Variants in NOP9 observed in about 807,000 individuals in gnomAD.
NOP9 encodes NOP9 nucleolar protein, also known as nucleolar protein 9.
NOP9 carries 50 observed loss-of-function variants against 63.0 expected under a neutral mutation model. The ratio of observed to expected loss-of-function variants is 0.79; its 90% confidence interval spans 0.63 to 1.00. The LOEUF is 1.00. Ranked by LOEUF, NOP9 falls within the 50% of genes least tolerant of loss-of-function variation. The probability of loss-of-function intolerance (pLI) is 0.00; values close to 1 mark genes in which losing one functional copy is unlikely to be tolerated. For synonymous variants in NOP9, 343 were observed against 332.8 expected (o/e 1.03, Z -0.33); for missense variants, 758 against 803.0 (o/e 0.94, Z 0.68).
At chr14:24,291,336 C>T in the NOP9 span, 4 of 1,199,408 alleles carry the variant, frequency 3.3e-6, no homozygotes, top group Non-Finnish European at 4.9e-6. Flanking sequence ...CCCTGGAGAG[C>T]TCTTTCTCTT....
At chr14:24,286,643 A>G in the NOP9 span, among the ~76,000 whole-genome samples, 3 of 152,004 alleles carry the variant, frequency 2.0e-5, no homozygotes, top group African/African-American at 7.2e-5. Context: ...CCCAGGCTGG[A>G]GTGCAGTGGC....
upstream of NOP9, chr14:24,296,680 G>A (rs140880726): frequency 4.2e-5 from 68 of 1,613,764 alleles, no homozygotes; most frequent in African/African-American, 6.3e-4. Context: ...GGATGAAGAT[G>A]CAGGGGTCTG....
At chr14:24,300,348 G>C in intron 1 of NOP9, 60 bp from the exon 2 acceptor site, 2 of 1,565,658 alleles carry the variant, frequency 1.3e-6, no homozygotes, top group Non-Finnish European at 8.7e-7. Context: ...GGTTAAGCGA[G>C]GGTACATAAC....
chr14:24,306,627 C>T lies in NOP9; in HGVS notation c.*1532C>T. ...TGGCTCTAGACATTGGTCGATGTCC[C>T]ACTTTGACTTTCCGGCACTTTGATA... On this transcript the variant is annotated 3_prime_UTR_variant, in exon 10 of 10. Coordinates refer to ENST00000267425, the MANE Select transcript of NOP9 (RefSeq NM_174913.3). 6.8e-7 allele frequency: 1 copy of T among 1,480,262 alleles called. No homozygotes were observed. Among genetic ancestry groups the T allele is most frequent in the Non-Finnish European group, 9.3e-7 (1 of 1,072,472 alleles). The allele number at this position is 1,480,262 out of a possible 1,614,324, so 91.7% of individuals were successfully genotyped here.
At chr14:24,271,271 TAA>T in the NOP9 span, 6 of 970,752 alleles carry the variant, frequency 6.2e-6, no homozygotes, top group East Asian at 1.1e-4. Flanking sequence ...CCCCAGAGTG[TAA>T]AGAGGTCCTG....
chr14:24,285,821 T>A, the NOP9 span, among the ~76,000 whole-genome samples: 1 of 152,026 alleles, frequency 6.6e-6, no homozygotes, highest in East Asian at 1.9e-4. Context: ...AAACCCGGTC[T>A]CTACTAAAAT....
chr14:24,291,813 C>A, the NOP9 span: 1 of 641,482 alleles, frequency 1.6e-6, no homozygotes, highest in Non-Finnish European at 2.7e-6. Flanking sequence ...TCCAGGTGAG[C>A]CCTGTGCCCT....
At position 24,306,811 on chromosome 14, in the gene NOP9, A is replaced by T. The variant is rs1284686564; in HGVS notation, c.*1716A>T. The stretch of plus-strand genomic sequence containing the variant: ...GAATTGGAAAGCAAGCCAGGTTCTC[A>T]CGAAGTCCACCCTTCTGTCTTATCT... On this transcript the variant is annotated 3_prime_UTR_variant, in exon 10 of 10. Coordinates refer to ENST00000267425, the MANE Select transcript of NOP9 (RefSeq NM_174913.3). 1 of 463,254 alleles carries T rather than the reference A, an allele frequency of 2.2e-6. No homozygotes were observed. Among genetic ancestry groups the T allele is most frequent in the Non-Finnish European group, 4.0e-6 (1 of 252,126 alleles). The allele number at this position is 463,254 out of a possible 1,614,324, so 28.7% of individuals were successfully genotyped here. A position where few individuals can be genotyped will look rare whatever the true frequency, so the allele number is the denominator to read the frequency against.
the NOP9 span, among the ~76,000 whole-genome samples, chr14:24,283,057 T>A: frequency 5.3e-5 from 8 of 152,206 alleles, no homozygotes; most frequent in Non-Finnish European, 1.0e-4. Context: ...ACTAAGAGAC[T>A]TGACCAACTC....
At chr14:24,302,971 G>A in intron 5 of NOP9, 103 bp from the exon 6 acceptor site, 1 of 1,352,556 alleles carries the variant, frequency 7.4e-7, no homozygotes, top group Non-Finnish European at 9.9e-7. Context: ...TGCTTTTTAT[G>A]TTTTATCTAG....
chr14:24,307,959 C>T lies in NOP9; in HGVS notation c.*2864C>T, dbSNP rs1281389963. ...TTCTGTTACAAACCTGGGATCTCAG[C>T]CCAGGACAAGGTGGGAATGAGTCAA... is the stretch of plus-strand genomic sequence containing the variant. On this transcript the variant is annotated 3_prime_UTR_variant, in exon 10 of 10. Transcript: ENST00000267425. The T allele has an allele frequency of 1.8e-6, 2 of 1,123,770 alleles. No homozygotes were observed. The highest frequency in any genetic ancestry group is 2.0e-5 in the Admixed American group (1 of 50,188). The allele number at this position is 1,123,770 out of a possible 1,614,324, so 69.6% of individuals were successfully genotyped here.
At chr14:24,296,897 GGATAT>G (rs2139101548), upstream of NOP9, 1 of 1,614,098 alleles carries the variant, frequency 6.2e-7, no homozygotes, top group Non-Finnish European at 8.5e-7. Context: ...GTAGGACAGG[GGATAT>G]GAGCTCACAT....
upstream of NOP9, among the ~76,000 whole-genome samples, chr14:24,296,016 T>G (rs1383768526): frequency 6.6e-6 from 1 of 152,210 alleles, no homozygotes; most frequent in Non-Finnish European, 1.5e-5. Flanking sequence ...CTGGGCTAAA[T>G]GACCCTGTGT....
chr14:24,291,981 A>T, the NOP9 span: 1 of 689,108 alleles, frequency 1.5e-6, no homozygotes, highest in Admixed American at 2.9e-5. Context: ...CAAGTTTCTA[A>T]ACCTCTCTGG....
the NOP9 span, among the ~76,000 whole-genome samples, chr14:24,278,858 C>A: frequency 6.6e-6 from 1 of 152,018 alleles, no homozygotes; most frequent in Non-Finnish European, 1.5e-5. Flanking sequence ...ACTGTAGAGT[C>A]CAGAGGTAGA....
upstream of NOP9, chr14:24,296,396 A>G (rs1441943296): frequency 2.0e-6 from 2 of 1,021,164 alleles, no homozygotes; most frequent in Non-Finnish European, 3.0e-6. Flanking sequence ...GGAAGGGAGA[A>G]GAAAGAGATG....
In NOP9 at chr14:24,300,700, G is replaced by A. The variant is rs1239355816; in HGVS notation, c.540G>A (p.Glu180=). Residue 180 remains glutamate, a synonymous_variant, in exon 2 of 10, where the codon GAG becomes GAA. Transcript: ENST00000267425. ...AGGATGGTCCCACGGAGACCCTGGA[G>A]GAGCTGGTCCTGGGACTAGCCGCTG... ...DGKDGPTETL[E]ELVLGLAAEV... is the part of the protein sequence containing the mutation. 5.0e-6 allele frequency: 8 copies of A among 1,614,174 alleles called. No individual in the cohort carries two copies. In the South Asian group the frequency reaches 8.8e-5, roughly 18 times the overall value.
the NOP9 span, among the ~76,000 whole-genome samples, chr14:24,280,418 A>G: frequency 2.0e-5 from 3 of 152,264 alleles, no homozygotes; most frequent in Admixed American, 2.0e-4. Context: ...TCTCAGCACC[A>G]GGTCCTGTGG....
At chr14:24,292,540 G>T in the NOP9 span, 4 of 1,574,258 alleles carry the variant, frequency 2.5e-6, no homozygotes, top group South Asian at 3.4e-5. Flanking sequence ...GGCAGAGGAG[G>T]AGCTGAGAGG....
Sources: allele counts gnomAD v4.1 joint callset (sites outside exome capture counted in the v4.1 genomes callset), GRCh38; gene constraint gnomAD v4.1.1; transcripts MANE v1.5; gene names NCBI Gene and HGNC (gene_info 2026-07-23, HGNC 2026-07-21).